Variants in PBRM1 observed in about 807,000 individuals in gnomAD.
The protein encoded by PBRM1 is protein polybromo-1.
Under a neutral mutation model 194.5 loss-of-function variants are expected in PBRM1, and 27 were observed. The observed-to-expected ratio is 0.14, with a 90% confidence interval of 0.10 to 0.19. PBRM1 has a LOEUF of 0.19. PBRM1 is among the 10% of genes least tolerant of loss of function. The probability of loss-of-function intolerance (pLI) is 1.00; values close to 1 mark genes in which losing one functional copy is unlikely to be tolerated. For missense variants in PBRM1, 1,466 were observed against 2,077.2 expected (o/e 0.71, Z 5.72); for synonymous variants, 655 against 693.2 (o/e 0.94, Z 0.87).
chr3:52,645,275 T>TC, intron 7 of PBRM1, among the ~76,000 whole-genome samples: 1 of 152,038 alleles, frequency 6.6e-6, no homozygotes, highest in East Asian at 1.9e-4. Flanking sequence ...GAAACTTCTT[T>TC]TTTTTCCTTC....
At chr3:52,657,893 GC>G (rs2096638418) in intron 5 of PBRM1, among the ~76,000 whole-genome samples, 1 of 151,890 alleles carries the variant, frequency 6.6e-6, no homozygotes, top group Admixed American at 6.6e-5. Flanking sequence ...CAGGGTTCAA[GC>G]AATTCTCCTA....
At chr3:52,652,404 C>A (rs954712084) in intron 5 of PBRM1, among the ~76,000 whole-genome samples, 9 of 145,672 alleles carry the variant, frequency 6.2e-5, no homozygotes, top group South Asian at 2.2e-4. Context: ...AAAAAAAATT[C>A]TAGGCAGGGC....
chr3:52,672,378 T>G (rs2096966625), intron 2 of PBRM1, among the ~76,000 whole-genome samples: 1 of 152,190 alleles, frequency 6.6e-6, no homozygotes, highest in South Asian at 2.1e-4. Flanking sequence ...CACAATATAT[T>G]CACAGGTTTC....
intron 10 of PBRM1, among the ~76,000 whole-genome samples, chr3:52,638,669 C>T (rs1052296686): frequency 6.6e-6 from 1 of 151,946 alleles, no homozygotes. Flanking sequence ...TCATAGCTTA[C>T]GGCAAACTTG....
At chr3:52,561,951 G>T (rs760304395) in exon 25 of PBRM1, 1 of 1,613,708 alleles carries the variant, frequency 6.2e-7, no homozygotes, top group South Asian at 1.1e-5. Context: ...CACTGCCTTT[G>T]GCAGACTTTG....
intron 5 of PBRM1, among the ~76,000 whole-genome samples, chr3:52,655,878 C>T (rs1376295497): frequency 1.3e-5 from 2 of 152,170 alleles, no homozygotes; most frequent in Non-Finnish European, 2.9e-5. Context: ...TATGACCACC[C>T]AGCATGGGGT....
intron 11 of PBRM1, among the ~76,000 whole-genome samples, chr3:52,634,372 G>A (rs1160464329): frequency 6.7e-6 from 1 of 150,340 alleles, no homozygotes; most frequent in Non-Finnish European, 1.5e-5. Context: ...AGGAGGCGGA[G>A]GTTGCAGTGA....
chr3:52,681,607 G>A (rs2097206554), upstream of PBRM1: 10 of 401,468 alleles, frequency 2.5e-5, no homozygotes, highest in Non-Finnish European at 3.4e-5. Context: ...AATCTTTGTG[G>A]AAAGGATAAC....
At chr3:52,617,171 G>T in intron 14 of PBRM1, 91 bp downstream of exon 16, 1 of 946,554 alleles carries the variant, frequency 1.1e-6, no homozygotes, top group South Asian at 1.8e-5. Flanking sequence ...TCTAAGTTAA[G>T]CCTCTAGAGC....
At chr3:52,603,428 TCATA>T (rs1379060274) in intron 17 of PBRM1, 89 bp downstream of exon 19, 1 of 1,320,390 alleles carries the variant, frequency 7.6e-7, no homozygotes, top group African/African-American at 1.5e-5. Flanking sequence ...GAGTTTTCAT[TCATA>T]CAAACAGGAC....
rs555449300 is a variant in PBRM1 at position 52,564,990 on chromosome 3, G to T, written c.3692-757C>A. On this transcript the variant is annotated intron_variant, in intron 22 of 29. Transcript: ENST00000296302. ...CGAGGCAGCAGAAACACGAGGTCAA[G>T]AGATCGAGACCGTCCTTGGCCAACA... Among the ~76,000 whole-genome samples, 465 of 151,990 alleles carry T rather than the reference G, an allele frequency of 3.1e-3. 2 individuals carry two copies. Among genetic ancestry groups the T allele is most frequent in the Middle Eastern group, 6.8e-3 (2 of 292 alleles).
intron 5 of PBRM1, among the ~76,000 whole-genome samples, chr3:52,652,255 G>C (rs1170669343): frequency 6.6e-6 from 1 of 151,740 alleles, no homozygotes; most frequent in African/African-American, 2.4e-5. Flanking sequence ...GTGGTGGCAG[G>C]CACCTGTAAT....
chr3:52,594,426 T>C (rs1261715659), intron 17 of PBRM1, among the ~76,000 whole-genome samples: 1 of 152,194 alleles, frequency 6.6e-6, no homozygotes, highest in African/African-American at 2.4e-5. Context: ...ATTTGCTTGG[T>C]AGATTTTTCT....
chr3:52,641,217 G>T (rs1216916733), intron 10 of PBRM1, among the ~76,000 whole-genome samples: 1 of 151,762 alleles, frequency 6.6e-6, no homozygotes, highest in African/African-American at 2.4e-5. Context: ...CGGAGGCCGA[G>T]GCAGGTGGAT....
chr3:52,569,362 C>T (rs1488025877), intron 22 of PBRM1, among the ~76,000 whole-genome samples: 2 of 152,206 alleles, frequency 1.3e-5, no homozygotes, highest in East Asian at 1.9e-4. Flanking sequence ...AGGCGCCCGC[C>T]GCCATGCTCG....
downstream of PBRM1, chr3:52,546,009 G>A (rs1002451032): frequency 7.3e-5 from 17 of 232,878 alleles, no homozygotes; most frequent in Admixed American, 5.6e-4. Flanking sequence ...GCCCTGGGCC[G>A]GTGCTGCACT....
chr3:52,612,121 G>A (rs573620444), intron 15 of PBRM1, among the ~76,000 whole-genome samples: 2 of 151,746 alleles, frequency 1.3e-5, no homozygotes, highest in African/African-American at 2.4e-5. Flanking sequence ...TCAGCCGGGC[G>A]TGGTGGTGCA....
At chr3:52,641,219 C>G (rs551609140) in intron 10 of PBRM1, among the ~76,000 whole-genome samples, 29 of 151,726 alleles carry the variant, frequency 1.9e-4, no homozygotes, top group African/African-American at 6.3e-4. Flanking sequence ...GAGGCCGAGG[C>G]AGGTGGATCA....
chr3:52,662,312 A>T (rs1490136229), intron 3 of PBRM1, 36 bp from the exon 5 acceptor site: 1 of 1,548,252 alleles, frequency 6.5e-7, no homozygotes, highest in Non-Finnish European at 8.7e-7. Flanking sequence ...AAAACACTTT[A>T]GTAATGTATT....
Sources: gnomAD v4.1 joint callset for allele counts (sites outside exome capture counted in the v4.1 genomes callset) on GRCh38, gnomAD v4.1.1 for gene constraint, MANE v1.5 for transcripts, NCBI Gene and HGNC (gene_info 2026-07-23, HGNC 2026-07-21) for gene names.